CACNA2D3: variants seen among roughly 807,000 people sequenced by gnomAD.
CACNA2D3 encodes the protein voltage-dependent calcium channel subunit alpha-2/delta-3.
Under a neutral mutation model 160.6 loss-of-function variants are expected in CACNA2D3, and 60 were observed. The observed-to-expected ratio is 0.37, with a 90% confidence interval of 0.30 to 0.46. CACNA2D3 has a LOEUF of 0.46. Among genes scored for constraint, CACNA2D3 ranks in the 20% least tolerant of loss-of-function variants. CACNA2D3 has a pLI of 1.00. For synonymous variants in CACNA2D3, 558 were observed against 492.9 expected (o/e 1.13, Z -1.75); for missense variants, 1,205 against 1,365.0 (o/e 0.88, Z 1.85).
intron 27 of CACNA2D3, among the ~76,000 whole-genome samples, chr3:54,911,892 C>G (rs1421196550): frequency 3.3e-5 from 5 of 152,216 alleles, no homozygotes. Flanking sequence ...TGCCTTAAAG[C>G]TACAGACATT....
chr3:54,946,315 T>C (rs1320524230), intron 27 of CACNA2D3, among the ~76,000 whole-genome samples: 1 of 152,192 alleles, frequency 6.6e-6, no homozygotes, highest in African/African-American at 2.4e-5. Context: ...ATCCTGTACA[T>C]GTCTTCAGAC....
intron 2 of CACNA2D3, among the ~76,000 whole-genome samples, chr3:54,226,019 G>A (rs1254664860): frequency 6.6e-6 from 1 of 152,092 alleles, no homozygotes; most frequent in Non-Finnish European, 1.5e-5. Flanking sequence ...ATTTCTGACT[G>A]GCCCTTACCA....
chr3:54,281,162 C>T (rs773614456), intron 2 of CACNA2D3, among the ~76,000 whole-genome samples: 3 of 152,108 alleles, frequency 2.0e-5, no homozygotes, highest in Non-Finnish European at 2.9e-5. Context: ...TGTGGGAAGC[C>T]GACAGTGTCC....
chr3:54,368,988 A>G (rs1698875335), intron 3 of CACNA2D3, among the ~76,000 whole-genome samples: 1 of 152,020 alleles, frequency 6.6e-6, no homozygotes, highest in African/African-American at 2.4e-5. Context: ...GGTGTGAGCC[A>G]CTGCGTCCGG....
chr3:54,564,528 C>G (rs1485723826), intron 6 of CACNA2D3, among the ~76,000 whole-genome samples: 1 of 152,214 alleles, frequency 6.6e-6, no homozygotes, highest in East Asian at 1.9e-4. Context: ...ACAGAGCATA[C>G]CTCTTGCCTC....
intron 14 of CACNA2D3, among the ~76,000 whole-genome samples, chr3:54,829,605 C>T (rs925512611): frequency 6.6e-6 from 1 of 152,156 alleles, no homozygotes; most frequent in African/African-American, 2.4e-5. Context: ...TGTTGTCTTC[C>T]TCTCTCCTTG....
At chr3:54,817,637 A>T (rs745887755) in intron 14 of CACNA2D3, among the ~76,000 whole-genome samples, 4 of 152,224 alleles carry the variant, frequency 2.6e-5, no homozygotes, top group African/African-American at 9.7e-5. Context: ...GAGTCAAGGT[A>T]GGGCACCCCC....
At chr3:54,699,044 C>T (rs1341570134) in intron 11 of CACNA2D3, among the ~76,000 whole-genome samples, 1 of 152,172 alleles carries the variant, frequency 6.6e-6, no homozygotes, top group Non-Finnish European at 1.5e-5. Context: ...ATTACTGGTG[C>T]TGACAGTGTG....
intron 2 of CACNA2D3, among the ~76,000 whole-genome samples, chr3:54,213,661 C>G (rs1379069230): frequency 1.3e-5 from 2 of 152,178 alleles, no homozygotes; most frequent in African/African-American, 4.8e-5. Context: ...GATGTGGACC[C>G]ACTGGTCTCA....
chr3:54,787,119 T>G (rs1314673057), intron 13 of CACNA2D3, among the ~76,000 whole-genome samples: 1 of 152,210 alleles, frequency 6.6e-6, no homozygotes, highest in African/African-American at 2.4e-5. Context: ...CACACATATT[T>G]GAGGGAATAT....
chr3:54,730,110 A>G (rs1409618861), intron 11 of CACNA2D3, among the ~76,000 whole-genome samples: 1 of 152,106 alleles, frequency 6.6e-6, no homozygotes, highest in Admixed American at 6.5e-5. Flanking sequence ...CCATAGTCCC[A>G]CCTGAAAAAA....
At chr3:55,036,094 C>T (rs3821651) in intron 35 of CACNA2D3, among the ~76,000 whole-genome samples, 30,172 of 152,168 alleles carry the variant, frequency 0.2, 3,709 homozygotes, top group Non-Finnish European at 0.26. Context: ...GTGCCAAGGG[C>T]ACCTGTACCT....
chr3:54,803,300 T>C (rs1703038779), intron 13 of CACNA2D3, among the ~76,000 whole-genome samples: 1 of 152,120 alleles, frequency 6.6e-6, no homozygotes, highest in Non-Finnish European at 1.5e-5. Flanking sequence ...GCAAAGAAGT[T>C]GAAAACTTTG....
At chr3:54,806,042 G>T (rs1344076799) in intron 13 of CACNA2D3, among the ~76,000 whole-genome samples, 1 of 152,226 alleles carries the variant, frequency 6.6e-6, no homozygotes, top group Non-Finnish European at 1.5e-5. Context: ...AGGTATTGAT[G>T]AGACATATCT....
intron 5 of CACNA2D3, among the ~76,000 whole-genome samples, chr3:54,526,978 AC>A (rs1403348033): frequency 6.6e-6 from 1 of 152,228 alleles, no homozygotes; most frequent in African/African-American, 2.4e-5. Flanking sequence ...GGTGTGAGCC[AC>A]CACGTGGGGC....
At chr3:54,183,969 T>C (rs7640436) in intron 2 of CACNA2D3, among the ~76,000 whole-genome samples, 110,225 of 149,178 alleles carry the variant, frequency 0.74, 41,169 homozygotes, top group East Asian at 1. Context: ...TTACCTTGAC[T>C]GTGGAATCAA....
At chr3:54,850,331 T>C (rs73843719) in intron 17 of CACNA2D3, among the ~76,000 whole-genome samples, 2,593 of 152,298 alleles carry the variant, frequency 0.017, 75 homozygotes, top group African/African-American at 0.059. Flanking sequence ...CAACAGCACG[T>C]AGCAAGAGTG....
chr3:54,277,027 C>T (rs1176247766), intron 2 of CACNA2D3, among the ~76,000 whole-genome samples: 1 of 152,216 alleles, frequency 6.6e-6, no homozygotes, highest in African/African-American at 2.4e-5. Context: ...TTTTCAGATG[C>T]TGTATTACTG....
At chr3:54,918,321 C>CTTTTTTTTTT (rs60257399) in intron 27 of CACNA2D3, 30 of 394,420 alleles carry the variant, frequency 7.6e-5, no homozygotes, top group African/African-American at 5.9e-4. Flanking sequence ...ACAGACACAT[C>CTTTTTTTTTT]TTTTTTTTTT....
Sources: gnomAD v4.1 joint callset for allele counts (sites outside exome capture counted in the v4.1 genomes callset) on GRCh38, gnomAD v4.1.1 for gene constraint, MANE v1.5 for transcripts, NCBI Gene and HGNC (gene_info 2026-07-23, HGNC 2026-07-21) for gene names.